SPIDR: variants seen among roughly 807,000 people sequenced by gnomAD.
SPIDR encodes the protein DNA repair-scaffolding protein.
A neutral mutation model predicts 104.6 loss-of-function variants in SPIDR; 93 were observed. The observed-to-expected ratio is 0.89, with a 90% CI of 0.75 to 1.06. The LOEUF (loss-of-function observed/expected upper bound fraction) is 1.06. Among genes scored for constraint, SPIDR ranks in the 50% least tolerant of loss-of-function variants. The pLI is 0.00. For synonymous variants in SPIDR, 431 were observed against 416.9 expected (o/e 1.03, Z -0.41); for missense variants, 1,154 against 1,111.2 (o/e 1.04, Z -0.55).
rs1273182011 is a variant in SPIDR, at chr8:47,702,081, TCTCTCTCTCTCTCTCTTACACA to T, written c.1977+68_1977+89del. On this transcript the variant is annotated intron_variant, in intron 14 of 19. Coordinates refer to ENST00000297423, the MANE Select transcript of SPIDR (RefSeq NM_001080394.4). ...CTCTCTCTCTCTCTCTCTCTCTCTCTCTCTCTCTCTCTCTCTTACACACACACACACACACACACACACACAC... is the reference window on the plus strand; with the variant it reads ...CTCTCTCTCTCTCTCTCTCTCTCTCTCACACACACACACACACACACACAC... 9.4e-4 allele frequency: 351 copies of T among 374,878 alleles called. 3 individuals carry two copies. Among genetic ancestry groups the T allele is most frequent in the African/African-American group, 3.4e-3 (95 of 28,088 alleles). The allele number at this position is 374,878 out of a possible 1,614,324, so 23.2% of individuals were successfully genotyped here. A position where few individuals can be genotyped will look rare whatever the true frequency, so the allele number is the denominator to read the frequency against.
chr8:47,686,607 G>A (rs2077860539), intron 11 of SPIDR, among the ~76,000 whole-genome samples: 1 of 152,048 alleles, frequency 6.6e-6, no homozygotes, highest in African/African-American at 2.4e-5. Context: ...AAGTAATTTG[G>A]ATCCCTGTAT....
intron 1 of SPIDR, among the ~76,000 whole-genome samples, chr8:47,262,658 C>T (rs536197508): frequency 1.2e-4 from 19 of 152,306 alleles, no homozygotes; most frequent in African/African-American, 4.6e-4. Context: ...ATAGCCTAAA[C>T]TCAGAAGTGA....
At chr8:47,711,896 C>T (rs921126103) in intron 14 of SPIDR, among the ~76,000 whole-genome samples, 5 of 152,198 alleles carry the variant, frequency 3.3e-5, no homozygotes, top group African/African-American at 9.7e-5. Flanking sequence ...CCCTCAGCTA[C>T]GCACCACACA....
chr8:47,522,081 T>G (rs2084217956), intron 8 of SPIDR, among the ~76,000 whole-genome samples: 1 of 151,460 alleles, frequency 6.6e-6, no homozygotes, highest in South Asian at 2.1e-4. Context: ...GGAGAATCGC[T>G]TGAACCTGAG....
chr8:47,325,906 ACAC>A (rs1247576883), intron 5 of SPIDR, among the ~76,000 whole-genome samples: 1 of 152,210 alleles, frequency 6.6e-6, no homozygotes, highest in Non-Finnish European at 1.5e-5. Flanking sequence ...GTCTTCCAGC[ACAC>A]CTAAAGGTGA....
chr8:47,511,993 A>G (rs1224077336), intron 8 of SPIDR: 5 of 785,316 alleles, frequency 6.4e-6, no homozygotes, highest in Non-Finnish European at 1.1e-5. Context: ...TGAAATGGTT[A>G]TGATGTCTTC....
Position 47,476,159 on chromosome 8 carries a change from G to A in SPIDR, c.1097+35617G>A, listed in dbSNP as rs144974436. On this transcript the variant is annotated intron_variant, in intron 8 of 19. Coordinates refer to ENST00000297423, the MANE Select transcript of SPIDR (RefSeq NM_001080394.4). ...TGTTACAGTGTCGAAGTGTGACAGT[G>A]TTCTTGGAGCTGTGAGTTTAGGCAT... Among the ~76,000 whole-genome samples the A allele has an allele frequency of 1.1e-4, 16 of 152,320 alleles. No homozygotes were observed. The East Asian group carries it at 2.7e-3, about 26-fold the overall frequency.
At position 47,599,024 on chromosome 8, in the gene SPIDR, A is replaced by C. The variant is rs775621074; in HGVS notation, c.1372A>C (p.Ser458Arg). Residue 458 changes from serine to arginine, a missense_variant, in exon 10 of 20, where the codon AGC becomes CGC. Ser to Arg is a moderately radical substitution (Grantham distance 110). Transcript: ENST00000297423. ...HKEAKQRIPT[S>R]TPLRDSLLDV... ...AGAAGCAAAACAGCGCATCCCAACC[A>C]GCACTCCCCTGAGGGATTCTCTCCT... The C allele has an allele frequency of 8.7e-6, 14 of 1,613,266 alleles. No homozygotes were observed. The East Asian group carries it at 2.2e-4, about 26-fold the overall frequency.
Position 47,407,975 on chromosome 8 carries a change from A to C in SPIDR, c.877+14A>C. ...AGACACTTTCAGGTAAGGCTTGTGC[A>C]GGAATCTGAGACAATGTGTAAAAAA... is the stretch of plus-strand genomic sequence containing the variant. On this transcript the variant is annotated intron_variant, in intron 7 of 19. Transcript: ENST00000297423. 1 of 1,447,390 alleles carries C rather than the reference A, an allele frequency of 6.9e-7. No homozygotes were observed. The highest frequency in any genetic ancestry group is 9.5e-7 in the Non-Finnish European group (1 of 1,053,066). The allele number at this position is 1,447,390 out of a possible 1,614,324, so 89.7% of individuals were successfully genotyped here.
chr8:47,490,280 A>C (rs964403090), intron 8 of SPIDR, among the ~76,000 whole-genome samples: 45 of 152,298 alleles, frequency 3.0e-4, no homozygotes, highest in African/African-American at 1.1e-3. Context: ...GAGAAATGCA[A>C]ATCAAAACCA....
At chr8:47,510,760 A>C (rs999145216) in intron 8 of SPIDR, among the ~76,000 whole-genome samples, 1 of 152,314 alleles carries the variant, frequency 6.6e-6, no homozygotes, top group Non-Finnish European at 1.5e-5. Flanking sequence ...TTCTATGTCT[A>C]TATAATATTT....
intron 8 of SPIDR, among the ~76,000 whole-genome samples, chr8:47,454,469 G>A (rs1019582820): frequency 2.6e-5 from 4 of 151,854 alleles, no homozygotes; most frequent in Admixed American, 1.3e-4. Flanking sequence ...ACACACCAGG[G>A]CCTGTGGTGG....
At chr8:47,607,175 T>G (rs1391612982) in intron 10 of SPIDR, among the ~76,000 whole-genome samples, 1 of 152,220 alleles carries the variant, frequency 6.6e-6, no homozygotes, top group Non-Finnish European at 1.5e-5. Context: ...TGAATATTTT[T>G]TATTGTAATG....
chr8:47,410,920 T>C (rs1445846494), intron 7 of SPIDR, among the ~76,000 whole-genome samples: 1 of 152,198 alleles, frequency 6.6e-6, no homozygotes, highest in Non-Finnish European at 1.5e-5. Context: ...TTCGGTTTTT[T>C]GTCCTTGCGA....
intron 10 of SPIDR, among the ~76,000 whole-genome samples, chr8:47,604,626 T>A (rs2062720681): frequency 6.6e-6 from 1 of 152,206 alleles, no homozygotes; most frequent in African/African-American, 2.4e-5. Flanking sequence ...TGTGATGGCT[T>A]CATAATGGAT....
In SPIDR at chr8:47,701,668, T is replaced by G. The variant is rs2080204984; in HGVS notation, c.1774-53T>G. ...AGGAGATTTTAATAATATCTCCTCT[T>G]TTTGAGTCTTTTAACAATACATTCA... is the stretch of plus-strand genomic sequence containing the variant. On this transcript the variant is annotated intron_variant, in intron 12 of 19. Transcript: ENST00000297423. 36 of 1,555,552 alleles carry G rather than the reference T, an allele frequency of 2.3e-5. No homozygotes were observed. The South Asian group carries it at 4.1e-4, about 18-fold the overall frequency.
chr8:47,732,252 C>G, intron 19 of SPIDR: 1 of 701,066 alleles, frequency 1.4e-6, no homozygotes. Context: ...AGGTAAAAGC[C>G]CTGCTTATAA....
chr8:47,304,231 T>C (rs934498451), intron 5 of SPIDR, among the ~76,000 whole-genome samples: 14 of 152,286 alleles, frequency 9.2e-5, no homozygotes, highest in African/African-American at 2.9e-4. Flanking sequence ...TCATGTTGAA[T>C]TGTAATTTCC....
intron 5 of SPIDR, among the ~76,000 whole-genome samples, chr8:47,394,482 C>T (rs1172430380): frequency 6.6e-6 from 1 of 152,184 alleles, no homozygotes; most frequent in African/African-American, 2.4e-5. Flanking sequence ...CCCCAGGGGA[C>T]ATTTGGCAAC....
Sources: allele counts gnomAD v4.1 joint callset (sites outside exome capture counted in the v4.1 genomes callset), GRCh38; gene constraint gnomAD v4.1.1; transcripts MANE v1.5; gene names NCBI Gene and HGNC (gene_info 2026-07-23, HGNC 2026-07-21).